NARS2: variants seen among roughly 807,000 people sequenced by gnomAD.
NARS2 encodes asparaginyl-tRNA synthetase 2, mitochondrial.
Under a neutral mutation model 62.9 loss-of-function variants are expected in NARS2, and 60 were observed. The ratio of observed to expected loss-of-function variants is 0.95; its 90% CI spans 0.77 to 1.18. The LOEUF is 1.18. Among genes scored for constraint, NARS2 ranks in the 50% most tolerant of loss-of-function variants. NARS2 has a pLI of 0.00. For synonymous variants in NARS2, 196 were observed against 200.0 expected, an observed-to-expected ratio of 0.98 and a Z score of 0.17; for missense variants, 619 against 576.4, an observed-to-expected ratio of 1.07 and a Z score of -0.76.
chr11:78,462,127 C>T (rs1426388611), intron 11 of NARS2, among the ~76,000 whole-genome samples: 1 of 151,892 alleles, frequency 6.6e-6, no homozygotes, highest in Admixed American at 6.6e-5. Context: ...TACTTAAGTA[C>T]AAAATTGAGT....
intron 13 of NARS2, among the ~76,000 whole-genome samples, chr11:78,439,327 C>T (rs1032032710): frequency 6.6e-6 from 1 of 152,184 alleles, no homozygotes; most frequent in Non-Finnish European, 1.5e-5. Flanking sequence ...CCGTGAGCCA[C>T]CGCACCCACG....
chr11:78,466,525 G>A (rs560661244), intron 10 of NARS2, among the ~76,000 whole-genome samples: 6 of 152,196 alleles, frequency 3.9e-5, no homozygotes, highest in African/African-American at 1.2e-4. Flanking sequence ...GTGTCGCCCA[G>A]GCTAGAGTGC....
At chr11:78,562,421 C>T (rs1193129885) in intron 4 of NARS2, among the ~76,000 whole-genome samples, 2 of 152,130 alleles carry the variant, frequency 1.3e-5, no homozygotes, top group Non-Finnish European at 2.9e-5. Flanking sequence ...CAGTATGAGA[C>T]TTCATCTCAA....
intron 11 of NARS2, 110 bp downstream of exon 11, chr11:78,465,766 T>C: frequency 2.4e-6 from 3 of 1,240,954 alleles, no homozygotes; most frequent in Non-Finnish European, 3.4e-6. Flanking sequence ...AAAAACATTA[T>C]CATTTTAAGA....
intron 5 of NARS2, among the ~76,000 whole-genome samples, chr11:78,546,151 A>G (rs1431060070): frequency 6.6e-6 from 1 of 152,178 alleles, no homozygotes; most frequent in African/African-American, 2.4e-5. Context: ...ATTCAGCTAG[A>G]TATCCAAGAT....
intron 6 of NARS2, among the ~76,000 whole-genome samples, chr11:78,496,277 A>G (rs938215385): frequency 1.3e-5 from 2 of 152,234 alleles, no homozygotes; most frequent in African/African-American, 4.8e-5. Context: ...GTGTTCTATT[A>G]TAAGTAATAG....
chr11:78,495,698 G>A (rs114806346), intron 6 of NARS2, among the ~76,000 whole-genome samples: 2,803 of 152,198 alleles, frequency 0.018, 81 homozygotes, highest in African/African-American at 0.062. Context: ...AAAATACTCA[G>A]ATATATGTCA....
At chr11:78,571,628 T>C (rs2135547974) in intron 1 of NARS2, 184 bp from the exon 2 acceptor site, 1 of 499,570 alleles carries the variant, frequency 2.0e-6, no homozygotes, top group East Asian at 3.0e-5. Context: ...GATACACACT[T>C]TGGTATTCTA....
At chr11:78,478,324 T>C (rs1859193747) in intron 9 of NARS2, 114 bp downstream of exon 9, 2 of 348,524 alleles carry the variant, frequency 5.7e-6, no homozygotes, top group Non-Finnish European at 4.9e-6. Flanking sequence ...TGTCTATATA[T>C]ATATCCTATA....
At chr11:78,566,979 G>A (rs1161071013) in intron 3 of NARS2, among the ~76,000 whole-genome samples, 1 of 149,570 alleles carries the variant, frequency 6.7e-6, no homozygotes, top group Non-Finnish European at 1.5e-5. Context: ...TCTAAGTCTT[G>A]TACAAATACA....
At chr11:78,571,828 G>A (rs953941999) in intron 1 of NARS2, among the ~76,000 whole-genome samples, 3 of 152,060 alleles carry the variant, frequency 2.0e-5, no homozygotes, top group African/African-American at 7.2e-5. Context: ...AGGATGTGGG[G>A]TGCGCCCTTC....
chr11:78,504,053 C>T (rs1860389387), intron 6 of NARS2, among the ~76,000 whole-genome samples: 1 of 152,178 alleles, frequency 6.6e-6, no homozygotes, highest in Non-Finnish European at 1.5e-5. Flanking sequence ...TAGGAAATAC[C>T]AGTATCATCA....
At chr11:78,544,018 C>CAAAAAAAAAAAAAAAAAAAA (rs10688131) in intron 5 of NARS2, among the ~76,000 whole-genome samples, 1 of 73,918 alleles carries the variant, frequency 1.4e-5, no homozygotes. Context: ...GACTCTGTCT[C>CAAAAAAAAAAAAAAAAAAAA]AAAAAAAAAA....
chr11:78,493,805 G>A (rs930802367), intron 6 of NARS2, among the ~76,000 whole-genome samples: 27 of 151,974 alleles, frequency 1.8e-4, no homozygotes, highest in African/African-American at 6.3e-4. Flanking sequence ...GCACTCTACT[G>A]CAGCTGCCTT....
intron 6 of NARS2, among the ~76,000 whole-genome samples, chr11:78,524,753 C>T (rs1861238466): frequency 6.6e-6 from 1 of 151,800 alleles, no homozygotes; most frequent in Admixed American, 6.6e-5. Flanking sequence ...CAAACATATC[C>T]AGTGACCCAA....
At chr11:78,533,385 T>A (rs1861551160) in intron 5 of NARS2, 1 of 152,248 alleles carries the variant, frequency 6.6e-6, no homozygotes, top group Admixed American at 6.5e-5. Context: ...GATTAAAAAG[T>A]CTTGCTTGTC....
chr11:78,535,607 A>G (rs1861641710), intron 5 of NARS2, among the ~76,000 whole-genome samples: 2 of 151,878 alleles, frequency 1.3e-5, no homozygotes, highest in East Asian at 3.9e-4. Context: ...CAGCAGAAAT[A>G]TAACATTCAG....
chr11:78,441,553 A>G (rs1340749918), intron 12 of NARS2, among the ~76,000 whole-genome samples: 1 of 152,078 alleles, frequency 6.6e-6, no homozygotes, highest in Non-Finnish European at 1.5e-5. Flanking sequence ...TCTACTAAAA[A>G]TACAAAAATT....
chr11:78,514,411 T>C (rs779121522), intron 6 of NARS2, among the ~76,000 whole-genome samples: 4 of 152,178 alleles, frequency 2.6e-5, no homozygotes, highest in Non-Finnish European at 5.9e-5. Context: ...CATGACCCAA[T>C]GTGCCTGGTC....
Sources: allele counts gnomAD v4.1 joint callset (sites outside exome capture counted in the v4.1 genomes callset), GRCh38; gene constraint gnomAD v4.1.1; transcripts MANE v1.5; gene names NCBI Gene and HGNC (gene_info 2026-07-23, HGNC 2026-07-21).